NRXN1: variants seen among roughly 807,000 people sequenced by gnomAD.
NRXN1 encodes neurexin 1.
NRXN1 carries 39 observed loss-of-function variants against 150.9 expected under a neutral mutation model. The observed-to-expected ratio is 0.26, with a 90% CI of 0.20 to 0.34. The LOEUF is 0.34. Among genes scored for constraint, NRXN1 ranks in the 10% least tolerant of loss-of-function variants. The pLI is 1.00. For synonymous variants in NRXN1, 924 were observed against 757.0 expected (o/e 1.22, Z -3.62); for missense variants, 1,815 against 1,949.9 (o/e 0.93, Z 1.30).
rs57765606 is a variant in NRXN1 at position 50,439,816 on chromosome 2, CAAA to C, written c.3364+25623_3364+25625del. ...TGGGCAACAGAGTGAGACTCTGTCTCAAAAAAAAAAAAAAGAAAAGAAAGATTA... is the reference window on the plus strand; with the variant it reads ...TGGGCAACAGAGTGAGACTCTGTCTCAAAAAAAAAAAGAAAAGAAAGATTA... On this transcript the variant is annotated intron_variant, in intron 17 of 22. Coordinates refer to ENST00000401669, the MANE Select transcript of NRXN1 (RefSeq NM_001330078.2). Among the ~76,000 whole-genome samples, 54 of 126,188 alleles carry C rather than the reference CAAA, an allele frequency of 4.3e-4. 1 individual carries two copies. Among genetic ancestry groups the C allele is most frequent in the South Asian group, 7.7e-4 (3 of 3,902 alleles). The allele number at this position is 126,188 out of a possible 152,430, so 82.8% of individuals were successfully genotyped here. A position where few individuals can be genotyped will look rare whatever the true frequency, so the allele number is the denominator to read the frequency against.
chr2:50,549,143 T>C (rs2093557826), intron 9 of NRXN1, among the ~76,000 whole-genome samples: 1 of 152,160 alleles, frequency 6.6e-6, no homozygotes, highest in South Asian at 2.1e-4. Context: ...GTTTCTTAGT[T>C]GTAAGTGACC....
intron 17 of NRXN1, among the ~76,000 whole-genome samples, chr2:50,348,402 A>G (rs1364168375): frequency 6.6e-6 from 1 of 152,196 alleles, no homozygotes; most frequent in Non-Finnish European, 1.5e-5. Flanking sequence ...AAAGCAGAAA[A>G]GAAAGAAATG....
At chr2:50,587,390 A>G (rs1673335829) in intron 8 of NRXN1, among the ~76,000 whole-genome samples, 1 of 152,264 alleles carries the variant, frequency 6.6e-6, no homozygotes, top group Non-Finnish European at 1.5e-5. Flanking sequence ...GAGGCTGAGG[A>G]GGGAGGCTCA....
intron 9 of NRXN1, among the ~76,000 whole-genome samples, chr2:50,550,369 T>G (rs550168900): frequency 2.0e-5 from 3 of 152,124 alleles, no homozygotes; most frequent in African/African-American, 7.2e-5. Flanking sequence ...ACCACTATTT[T>G]TGGCATGTTT....
At chr2:50,812,077 G>GA (rs201893879) in intron 5 of NRXN1, among the ~76,000 whole-genome samples, 110 of 147,072 alleles carry the variant, frequency 7.5e-4, no homozygotes, top group East Asian at 9.9e-4. Context: ...GAAACCAGAT[G>GA]AAAAAAAAAA....
At chr2:50,760,903 A>C (rs1701730785) in intron 5 of NRXN1, among the ~76,000 whole-genome samples, 1 of 151,874 alleles carries the variant, frequency 6.6e-6, no homozygotes, top group African/African-American at 2.4e-5. Flanking sequence ...TTTGTGCCTC[A>C]GCTCAGGAGC....
chr2:50,833,684 A>G (rs1242141385), intron 5 of NRXN1, among the ~76,000 whole-genome samples: 4 of 152,166 alleles, frequency 2.6e-5, no homozygotes, highest in Non-Finnish European at 5.9e-5. Context: ...AAGAGGAAGT[A>G]TTGTTGGGCA....
intron 5 of NRXN1, among the ~76,000 whole-genome samples, chr2:50,666,835 AAAT>A (rs1428521535): frequency 7.0e-6 from 1 of 141,938 alleles, no homozygotes; most frequent in Non-Finnish European, 1.5e-5. Flanking sequence ...CCAGAGCATA[AAAT>A]AATGATGATG....
chr2:50,850,049 T>G (rs1438251887), intron 5 of NRXN1, among the ~76,000 whole-genome samples: 1 of 151,104 alleles, frequency 6.6e-6, no homozygotes, highest in Admixed American at 6.6e-5. Flanking sequence ...CTACAAAAAT[T>G]AAAGAAAAAT....
intron 9 of NRXN1, among the ~76,000 whole-genome samples, chr2:50,541,805 T>C (rs1332962501): frequency 6.6e-6 from 1 of 151,552 alleles, no homozygotes; most frequent in Admixed American, 6.6e-5. Flanking sequence ...TCTCATCATA[T>C]CATTTTATTA....
At chr2:50,268,240 G>A (rs572198986) in intron 17 of NRXN1, among the ~76,000 whole-genome samples, 17 of 152,140 alleles carry the variant, frequency 1.1e-4, no homozygotes, top group African/African-American at 3.6e-4. Context: ...ACCTGAGCTG[G>A]CATTTGAAAG....
chr2:50,716,285 A>G (rs1417833697), intron 5 of NRXN1, among the ~76,000 whole-genome samples: 1 of 152,288 alleles, frequency 6.6e-6, no homozygotes, highest in East Asian at 1.9e-4. Flanking sequence ...TTTAGGATTT[A>G]GAAGGCTACC....
At chr2:50,244,054 A>T (rs2066280750) in intron 17 of NRXN1, among the ~76,000 whole-genome samples, 1 of 151,926 alleles carries the variant, frequency 6.6e-6, no homozygotes, top group African/African-American at 2.4e-5. Flanking sequence ...TCTCTAATAA[A>T]AATGTTTTTC....
intron 5 of NRXN1, among the ~76,000 whole-genome samples, chr2:50,885,053 G>C (rs1462109004): frequency 6.6e-6 from 1 of 151,600 alleles, no homozygotes; most frequent in African/African-American, 2.4e-5. Flanking sequence ...TATAAAATGA[G>C]ACTTTCGTTT....
intron 5 of NRXN1, among the ~76,000 whole-genome samples, chr2:50,796,698 A>G (rs536507493): frequency 7.2e-5 from 11 of 152,320 alleles, no homozygotes; most frequent in South Asian, 6.2e-4. Flanking sequence ...TTCAAGGCCC[A>G]AAGTCCCGGC....
rs28514336 is a variant in NRXN1 at position 50,551,074 on chromosome 2, A to G, written c.1759+1513T>C. 5.4e-4 allele frequency among the ~76,000 whole-genome samples: 60 copies of G among 110,768 alleles called. 1 individual carries two copies. Among genetic ancestry groups the G allele is most frequent in the Middle Eastern group, 5.6e-3 (1 of 180 alleles). 72.7% of individuals were successfully genotyped at this position (110,768 alleles called of 152,430 possible). Reference sequence around the variant, plus strand: ...AGGAAGAAGAAGAAGAAGAAGAAGAAGAGGAGGAGGAGGAGGAGGAGGAGG... The same window carrying G: ...AGGAAGAAGAAGAAGAAGAAGAAGAGGAGGAGGAGGAGGAGGAGGAGGAGG... On this transcript the variant is annotated intron_variant, in intron 9 of 22. Coordinates refer to ENST00000401669, the MANE Select transcript of NRXN1 (RefSeq NM_001330078.2).
At chr2:50,168,100 C>T (rs1178476584) in intron 18 of NRXN1, among the ~76,000 whole-genome samples, 2 of 151,860 alleles carry the variant, frequency 1.3e-5, no homozygotes, top group African/African-American at 4.8e-5. Flanking sequence ...AAATCTTCCT[C>T]TTAATAAGAA....
At chr2:50,659,690 T>C (rs536041854) in intron 5 of NRXN1, among the ~76,000 whole-genome samples, 22 of 151,888 alleles carry the variant, frequency 1.4e-4, no homozygotes, top group African/African-American at 4.8e-4. Context: ...CAAAAATTAG[T>C]TGTTCATTCT....
At chr2:50,331,494 T>C (rs1056046526) in intron 17 of NRXN1, among the ~76,000 whole-genome samples, 4 of 152,196 alleles carry the variant, frequency 2.6e-5, no homozygotes, top group African/African-American at 4.8e-5. Context: ...TCTAGGGATG[T>C]TCTATTCCAT....
Sources: gnomAD v4.1 joint callset for allele counts (sites outside exome capture counted in the v4.1 genomes callset) on GRCh38, gnomAD v4.1.1 for gene constraint, MANE v1.5 for transcripts, NCBI Gene and HGNC (gene_info 2026-07-23, HGNC 2026-07-21) for gene names.